Variants in MLIP observed in about 807,000 individuals in gnomAD.
MLIP encodes the protein muscular LMNA interacting protein, also known as muscular LMNA-interacting protein.
MLIP carries 79 observed loss-of-function variants against 84.8 expected under a neutral mutation model. The observed-to-expected ratio is 0.93, with a 90% confidence interval of 0.78 to 1.12. MLIP has a LOEUF of 1.12. Among genes scored for constraint, MLIP ranks in the 50% most tolerant of loss-of-function variants. The pLI, the probability that MLIP is intolerant of heterozygous loss-of-function variation, is 0.00. For synonymous variants in MLIP, 504 were observed against 463.0 expected (o/e 1.09, Z -1.14); for missense variants, 1,257 against 1,160.6 (o/e 1.08, Z -1.21).
chr6:54,106,973 G>C (rs539499162), upstream of MLIP, among the ~76,000 whole-genome samples: 19 of 152,280 alleles, frequency 1.2e-4, no homozygotes, highest in Non-Finnish European at 2.8e-4. Context: ...AGTGTCCAGG[G>C]GATAGGAAGA....
chr6:54,186,961 A>T (rs1777456288), intron 9 of MLIP, among the ~76,000 whole-genome samples: 1 of 152,210 alleles, frequency 6.6e-6, no homozygotes, highest in Admixed American at 6.5e-5. Context: ...CTATATGGGA[A>T]TCTATTGCAT....
At chr6:54,232,337 T>G (rs368089297) in intron 12 of MLIP, among the ~76,000 whole-genome samples, 3 of 152,176 alleles carry the variant, frequency 2.0e-5, no homozygotes, top group East Asian at 3.8e-4. Context: ...CTGGAACTGT[T>G]CAGCAAGGAT....
chr6:54,187,911 C>A (rs1777552629), intron 9 of MLIP, among the ~76,000 whole-genome samples: 1 of 152,188 alleles, frequency 6.6e-6, no homozygotes, highest in South Asian at 2.1e-4. Context: ...GGAGGCTGAG[C>A]CAGCGGAATC....
chr6:54,196,918 A>G (rs1778338237), intron 10 of MLIP, among the ~76,000 whole-genome samples: 1 of 152,142 alleles, frequency 6.6e-6, no homozygotes, highest in Non-Finnish European at 1.5e-5. Context: ...TGGCTCATTA[A>G]AAAGATCTGT....
At chr6:54,059,595 A>C (rs778122854) in intron 1 of MLIP, among the ~76,000 whole-genome samples, 27 of 152,318 alleles carry the variant, frequency 1.8e-4, no homozygotes, top group Non-Finnish European at 2.5e-4. Flanking sequence ...ACTTTATCAA[A>C]ATAATATAGA....
In MLIP at chr6:54,128,282, G is replaced by A. The variant is rs1021929220; in HGVS notation, c.645+3417G>A. 5.9e-5 allele frequency among the ~76,000 whole-genome samples: 9 copies of A among 152,062 alleles called. No individual in the cohort carries two copies. In the East Asian group the frequency reaches 1.5e-3, roughly 26 times the overall value. ...TCCTGGACATAGGAGAGAGAAGGGAGACTGGAGATATTCGTCATATAAATT... is the reference window on the plus strand; with the variant it reads ...TCCTGGACATAGGAGAGAGAAGGGAAACTGGAGATATTCGTCATATAAATT... On this transcript the variant is annotated intron_variant, in intron 3 of 13. Transcript: ENST00000502396.
At chr6:54,179,476 T>C (rs1776635166) in intron 9 of MLIP, among the ~76,000 whole-genome samples, 1 of 152,148 alleles carries the variant, frequency 6.6e-6, no homozygotes, top group African/African-American at 2.4e-5. Flanking sequence ...ATCCTCTTTT[T>C]TCTTTTCCTT....
chr6:54,136,441 C>T (rs567125173), intron 3 of MLIP, among the ~76,000 whole-genome samples: 1 of 152,150 alleles, frequency 6.6e-6, no homozygotes, highest in Admixed American at 6.5e-5. Flanking sequence ...ATGCTGTCAA[C>T]GAATTATCTT....
chr6:54,263,821 G>A (rs1783534500), intron 13 of MLIP, among the ~76,000 whole-genome samples: 1 of 152,020 alleles, frequency 6.6e-6, no homozygotes, highest in Non-Finnish European at 1.5e-5. Flanking sequence ...TCCAAAATAA[G>A]TGTGTTGTTT....
At chr6:54,040,132 T>G (rs1448964718) in intron 1 of MLIP, among the ~76,000 whole-genome samples, 1 of 152,010 alleles carries the variant, frequency 6.6e-6, no homozygotes, top group Non-Finnish European at 1.5e-5. Flanking sequence ...AGTAATTCAT[T>G]AATCTATTAA....
At chr6:54,251,441 C>CATATATATATATATATATATATAT (rs148476876) in intron 12 of MLIP, among the ~76,000 whole-genome samples, 103 of 88,686 alleles carry the variant, frequency 1.2e-3, no homozygotes, top group Middle Eastern at 5.7e-3. Flanking sequence ...TGAAACAAGC[C>CATATATATATATATATATATATAT]ATATATATAT....
At chr6:54,228,207 A>AG (rs1780731118) in intron 11 of MLIP, among the ~76,000 whole-genome samples, 1 of 111,956 alleles carries the variant, frequency 8.9e-6, no homozygotes, top group African/African-American at 3.3e-5. Flanking sequence ...AAAAAAAAAA[A>AG]AAAAAAAGAG....
intron 1 of MLIP, among the ~76,000 whole-genome samples, chr6:54,047,773 A>T (rs1765151104): frequency 6.6e-6 from 1 of 152,258 alleles, no homozygotes; most frequent in African/African-American, 2.4e-5. Context: ...ACTCTGTGAC[A>T]GTTACTGTGC....
chr6:54,039,285 A>G (rs892130157), intron 1 of MLIP, among the ~76,000 whole-genome samples: 2 of 152,012 alleles, frequency 1.3e-5, no homozygotes, highest in African/African-American at 4.8e-5. Context: ...TATGAACTTT[A>G]AATCATTCTT....
At chr6:54,175,802 C>T (rs1370165770) in intron 9 of MLIP, among the ~76,000 whole-genome samples, 2 of 151,926 alleles carry the variant, frequency 1.3e-5, no homozygotes, top group African/African-American at 4.8e-5. Context: ...ACATCCTTGT[C>T]GTCTTCCAGA....
At chr6:54,249,068 A>G (rs976317467) in intron 12 of MLIP, among the ~76,000 whole-genome samples, 4 of 152,112 alleles carry the variant, frequency 2.6e-5, no homozygotes, top group Non-Finnish European at 5.9e-5. Context: ...CCCCATCAGC[A>G]TAACTTCTAC....
At chr6:54,050,905 C>T (rs1476869564) in intron 1 of MLIP, among the ~76,000 whole-genome samples, 1 of 152,130 alleles carries the variant, frequency 6.6e-6, no homozygotes, top group Non-Finnish European at 1.5e-5. Flanking sequence ...CTCACAGGTC[C>T]ATCTGTGTTT....
intron 1 of MLIP, among the ~76,000 whole-genome samples, chr6:54,053,198 G>A (rs2150319671): frequency 6.6e-6 from 1 of 152,244 alleles, no homozygotes; most frequent in Non-Finnish European, 1.5e-5. Flanking sequence ...CATACCTTAA[G>A]CACCACTATG....
chr6:54,159,942 G>A lies in MLIP; in HGVS notation c.2290-425G>A, dbSNP rs536265397. ...CTTCAAACTATACTACAAGGCCACAGTAAACAAAGCAGCATGATACTGGTA... is the reference window on the plus strand; with the variant it reads ...CTTCAAACTATACTACAAGGCCACAATAAACAAAGCAGCATGATACTGGTA... On this transcript the variant is annotated intron_variant, in intron 5 of 13. Transcript: ENST00000502396. Among the ~76,000 whole-genome samples, 10 of 152,180 alleles carry A rather than the reference G, an allele frequency of 6.6e-5. No individual in the cohort carries two copies. The South Asian group carries it at 2.1e-3, about 32-fold the overall frequency.
Sources: allele counts gnomAD v4.1 joint callset (sites outside exome capture counted in the v4.1 genomes callset), GRCh38; gene constraint gnomAD v4.1.1; transcripts MANE v1.5; gene names NCBI Gene and HGNC (gene_info 2026-07-23, HGNC 2026-07-21).